The following BTAF1 variants were observed in gnomAD, a reference collection of about 807,000 sequenced individuals.
The protein encoded by BTAF1 is TATA-binding protein-associated factor 172.
A neutral mutation model predicts 227.1 loss-of-function variants in BTAF1; 38 were observed. The ratio of observed to expected loss-of-function variants is 0.17; its 90% CI spans 0.13 to 0.22. BTAF1 has a LOEUF of 0.22. Among genes scored for constraint, BTAF1 ranks in the 10% least tolerant of loss-of-function variants. BTAF1 has a pLI of 1.00. For synonymous variants in BTAF1, 742 were observed against 751.9 expected, an observed-to-expected ratio of 0.99 and a Z score of 0.21; for missense variants, 1,598 against 2,204.0, an observed-to-expected ratio of 0.73 and a Z score of 5.51.
intron 14 of BTAF1, 25 bp from the exon 15 acceptor site, chr10:91,980,429 C>A: frequency 6.6e-7 from 1 of 1,523,268 alleles, no homozygotes; most frequent in Non-Finnish European, 9.1e-7. Context: ...TATGCTACAG[C>A]TTTTAATTCT....
At position 92,016,448 on chromosome 10, in the gene BTAF1, A is replaced by G. The variant is rs1456321867; in HGVS notation, c.4693A>G (p.Thr1565Ala). ...EETEKPKLKA[T>A]GHVFQALQYL... ...AACTGAAAAACCAAAGCTTAAAGCT[A>G]CAGGCCACGTATTCCAGGTATAGAT... The change falls in exon 33 of 38, where the codon ACA (threonine) becomes GCA (alanine). Residue 1565 changes from threonine to alanine, a missense_variant. Coordinates refer to ENST00000265990, the MANE Select transcript of BTAF1 (RefSeq NM_003972.3). 5 of 1,575,516 alleles carry G rather than the reference A, an allele frequency of 3.2e-6. No homozygotes were observed. Among genetic ancestry groups the G allele is most frequent in the Admixed American group, 4.0e-5 (2 of 49,960 alleles).
chr10:91,950,025 C>G (rs1845638874), intron 4 of BTAF1, among the ~76,000 whole-genome samples: 1 of 151,830 alleles, frequency 6.6e-6, no homozygotes, highest in Non-Finnish European at 1.5e-5. Context: ...GCATATGGTC[C>G]TAGCTACTCA....
intron 14 of BTAF1, among the ~76,000 whole-genome samples, chr10:91,971,669 G>T (rs903576705): frequency 2.0e-5 from 3 of 151,512 alleles, no homozygotes; most frequent in African/African-American, 7.3e-5. Context: ...ACAGGGTTTC[G>T]CCATGTTGGT....
rs186806346 is a variant in BTAF1, at chr10:91,952,306, C to T, written c.564+740C>T. ...ATGCTGTTTTGTTTTGTGGCTGTAC[C>T]ATAATTTCACTCTTTTCTTCCTCTT... is the stretch of plus-strand genomic sequence containing the variant. On this transcript the variant is annotated intron_variant, in intron 5 of 37. Transcript: ENST00000265990. Among the ~76,000 whole-genome samples, 808 of 152,194 alleles carry T rather than the reference C, an allele frequency of 5.3e-3. 3 individuals are homozygous for T. Among genetic ancestry groups the T allele is most frequent in the African/African-American group, 0.018 (765 of 41,526 alleles).
intron 14 of BTAF1, among the ~76,000 whole-genome samples, chr10:91,973,903 CAAAAAAAAA>C (rs566022941): frequency 6.4e-5 from 6 of 93,920 alleles, no homozygotes; most frequent in Admixed American, 4.7e-4. Flanking sequence ...GACTCCGTCT[CAAAAAAAAA>C]AAAAAAAAAA....
At chr10:91,931,086 C>T (rs538743915) in intron 1 of BTAF1, among the ~76,000 whole-genome samples, 1 of 152,252 alleles carries the variant, frequency 6.6e-6, no homozygotes, top group South Asian at 2.1e-4. Context: ...ACATTTCTTT[C>T]TGTTTATTTT....
At chr10:91,983,888 C>T (rs1423252116) in intron 18 of BTAF1, among the ~76,000 whole-genome samples, 1 of 138,030 alleles carries the variant, frequency 7.2e-6, no homozygotes, top group Non-Finnish European at 1.6e-5. Context: ...GATTTCTTTT[C>T]TGATTTTTTT....
chr10:91,925,747 T>G (rs1258496309), intron 1 of BTAF1, among the ~76,000 whole-genome samples: 2 of 152,188 alleles, frequency 1.3e-5, no homozygotes, highest in Non-Finnish European at 2.9e-5. Context: ...CCTTACCTCG[T>G]GATCCGCCGG....
chr10:91,949,493 C>T (rs1299664794), intron 4 of BTAF1, among the ~76,000 whole-genome samples: 1 of 152,172 alleles, frequency 6.6e-6, no homozygotes, highest in Non-Finnish European at 1.5e-5. Context: ...GATTCTGTTA[C>T]ATTCTTCCAA....
At chr10:92,019,804 T>C (rs907914399) in intron 34 of BTAF1, among the ~76,000 whole-genome samples, 1 of 152,130 alleles carries the variant, frequency 6.6e-6, no homozygotes, top group Non-Finnish European at 1.5e-5. Context: ...ATATCTTCTT[T>C]AGAAAAATGT....
chr10:91,987,868 G>C (rs1039104394), intron 19 of BTAF1, among the ~76,000 whole-genome samples: 1 of 152,110 alleles, frequency 6.6e-6, no homozygotes, highest in Non-Finnish European at 1.5e-5. Flanking sequence ...CTGGGCCCGA[G>C]CTTCTATTTC....
At chr10:92,009,571 T>C (rs1226425910) in intron 28 of BTAF1, among the ~76,000 whole-genome samples, 1 of 152,176 alleles carries the variant, frequency 6.6e-6, no homozygotes, top group Non-Finnish European at 1.5e-5. Context: ...TGCAGGGGAA[T>C]ATTCCTGTAG....
intron 14 of BTAF1, among the ~76,000 whole-genome samples, chr10:91,971,575 C>T (rs115342004): frequency 3.6e-3 from 547 of 150,488 alleles, no homozygotes; most frequent in African/African-American, 0.012. Context: ...CGGGTTCAAA[C>T]GATTTCCTTC....
chr10:91,990,496 T>A (rs1285954642), intron 20 of BTAF1, among the ~76,000 whole-genome samples: 1 of 152,208 alleles, frequency 6.6e-6, no homozygotes, highest in African/African-American at 2.4e-5. Context: ...AATAATTTTT[T>A]AAAAAGTAAT....
In BTAF1 at chr10:91,957,294, G is replaced by A; in HGVS notation, c.900+1G>A. 6.2e-7 allele frequency: 1 copy of A among 1,607,090 alleles called. No homozygotes were observed. The highest frequency in any genetic ancestry group is 8.5e-7 in the Non-Finnish European group (1 of 1,175,224). The stretch of plus-strand genomic sequence containing the variant: ...TGACCTTTTTAATCCCTCCTGGGAG[G>A]TAAGATTTCTTCATTACAGTTTTTC... On this transcript the variant is annotated splice_donor_variant, in intron 8 of 37. Coordinates refer to ENST00000265990, the MANE Select transcript of BTAF1 (RefSeq NM_003972.3). LOFTEE classifies it high-confidence loss of function.
chr10:92,003,963 C>G (rs1192668437), intron 25 of BTAF1, among the ~76,000 whole-genome samples: 1 of 151,988 alleles, frequency 6.6e-6, no homozygotes, highest in Non-Finnish European at 1.5e-5. Context: ...TATCTCATAC[C>G]AGTTTTAATT....
chr10:91,981,199 T>A (rs1004056264), intron 15 of BTAF1, among the ~76,000 whole-genome samples: 9 of 152,180 alleles, frequency 5.9e-5, no homozygotes, highest in Admixed American at 3.3e-4. Context: ...TTAAGTAAGA[T>A]CATGAATCAA....
At chr10:91,924,223 G>A (rs1381754037) in intron 1 of BTAF1, 133 bp downstream of exon 1, 3 of 1,259,476 alleles carry the variant, frequency 2.4e-6, no homozygotes, top group Non-Finnish European at 3.2e-6. Flanking sequence ...GTAGACTTCG[G>A]AGTTCGCCCC....
At position 91,960,880 on chromosome 10, in the gene BTAF1, T is replaced by A. The variant is rs546081068; in HGVS notation, c.1263+726T>A. ...GTGGGTTATTAAAAACTCTGATATATTCTGGCTAGGACTTCAGTTCTTAGA... is the reference window on the plus strand; with the variant it reads ...GTGGGTTATTAAAAACTCTGATATAATCTGGCTAGGACTTCAGTTCTTAGA... On this transcript the variant is annotated intron_variant, in intron 11 of 37. Coordinates refer to ENST00000265990, the MANE Select transcript of BTAF1 (RefSeq NM_003972.3). 2.0e-5 allele frequency among the ~76,000 whole-genome samples: 3 copies of A among 152,322 alleles called. No homozygotes were observed. The South Asian group carries it at 6.2e-4, about 32-fold the overall frequency.
Sources: allele counts gnomAD v4.1 joint callset (sites outside exome capture counted in the v4.1 genomes callset), GRCh38; gene constraint gnomAD v4.1.1; transcripts MANE v1.5; gene names NCBI Gene and HGNC (gene_info 2026-07-23, HGNC 2026-07-21).